The following TUB variants were observed in gnomAD, a reference collection of about 807,000 sequenced individuals.
TUB encodes TUB bipartite transcription factor, also known as tubby protein homolog.
In TUB, 33 loss-of-function variants were observed where a neutral mutation model predicts 59.7. The observed-to-expected ratio is 0.55, with a 90% CI of 0.42 to 0.74. The LOEUF is 0.74. Among genes scored for constraint, TUB ranks in the 30% least tolerant of loss-of-function variants. The pLI, the probability that TUB is intolerant of heterozygous loss-of-function variation, is 0.00. For missense variants in TUB, 659 were observed against 672.0 expected (o/e 0.98, Z 0.21); for synonymous variants, 293 against 256.4 (o/e 1.14, Z -1.36).
intron 3 of TUB, among the ~76,000 whole-genome samples, chr11:8,092,693 A>AG (rs1403689845): frequency 1.3e-5 from 2 of 152,098 alleles, no homozygotes; most frequent in Admixed American, 1.3e-4. Flanking sequence ...CTGCTTCTCT[A>AG]GGGGCCCAGT....
At chr11:8,047,572 G>A (rs1942855117) in intron 2 of TUB, among the ~76,000 whole-genome samples, 3 of 152,220 alleles carry the variant, frequency 2.0e-5, no homozygotes, top group Admixed American at 6.5e-5. Context: ...AGTCCCAATA[G>A]CAGAAGGGCT....
At chr11:8,081,910 C>T (rs1019707945) in intron 1 of TUB, among the ~76,000 whole-genome samples, 8 of 152,238 alleles carry the variant, frequency 5.3e-5, no homozygotes, top group Non-Finnish European at 8.8e-5. Flanking sequence ...CATACATCTG[C>T]ACGCATGCAC....
intron 2 of TUB, among the ~76,000 whole-genome samples, chr11:8,053,478 T>G (rs1020902085): frequency 1.3e-5 from 2 of 152,144 alleles, no homozygotes; most frequent in African/African-American, 4.8e-5. Context: ...TTGTCTGTTT[T>G]TATTTATTTA....
intron 2 of TUB, chr11:8,060,216 C>G (rs999177238): frequency 6.6e-6 from 1 of 152,336 alleles, no homozygotes; most frequent in African/African-American, 2.4e-5. Flanking sequence ...AAGAGGTCAC[C>G]TGCGGAGAAC....
rs1768045697 is a variant in TUB at position 8,103,767 on chromosome 11, ATG to A, written c.*2150_*2151del. 1 of 152,672 alleles carries A rather than the reference ATG, an allele frequency of 6.5e-6. No homozygotes were observed. The highest frequency in any genetic ancestry group is 2.1e-4 in the South Asian group (1 of 4,826). The allele number at this position is 152,672 out of a possible 1,614,324, so 9.5% of individuals were successfully genotyped here. On this transcript the variant is annotated 3_prime_UTR_variant, in exon 12 of 12. Transcript: ENST00000299506. The stretch of plus-strand genomic sequence containing the variant: ...GATGATGGAAACTAGATCGTCTCTA[ATG>A]TTAGGTCAAGCTATTTCTCTGGATC...
chr11:8,021,821 C>A (rs1942432394), intron 1 of TUB, among the ~76,000 whole-genome samples: 2 of 150,270 alleles, frequency 1.3e-5, no homozygotes, highest in Non-Finnish European at 2.9e-5. Flanking sequence ...GAGGCTGAGG[C>A]AGGAGAATGG....
At chr11:8,098,276 G>A (rs1015694955) in intron 8 of TUB, among the ~76,000 whole-genome samples, 9 of 152,270 alleles carry the variant, frequency 5.9e-5, no homozygotes, top group South Asian at 2.1e-4. Flanking sequence ...TGGGGAGGTA[G>A]GGTTTGCTGA....
intron 2 of TUB, among the ~76,000 whole-genome samples, chr11:8,061,256 TCCTGGCTTC>T (rs1429969286): frequency 6.6e-6 from 1 of 152,230 alleles, no homozygotes; most frequent in Non-Finnish European, 1.5e-5. Context: ...GTGGGTAGTG[TCCTGGCTTC>T]CCTTCAGCCC....
At chr11:8,070,139 A>T (rs1943333304) in intron 2 of TUB, among the ~76,000 whole-genome samples, 1 of 152,186 alleles carries the variant, frequency 6.6e-6, no homozygotes, top group Non-Finnish European at 1.5e-5. Flanking sequence ...AGGGAAGCAT[A>T]AAAAAATCTC....
chr11:8,051,246 G>A (rs1002505980), intron 2 of TUB, among the ~76,000 whole-genome samples: 8 of 152,120 alleles, frequency 5.3e-5, no homozygotes, highest in Non-Finnish European at 1.2e-4. Flanking sequence ...ATGTTTGTGT[G>A]TGCCTATATC....
At chr11:8,086,961 G>A (rs1357852682) in intron 1 of TUB, among the ~76,000 whole-genome samples, 1 of 152,166 alleles carries the variant, frequency 6.6e-6, no homozygotes, top group Non-Finnish European at 1.5e-5. Flanking sequence ...CGAAGCCTGT[G>A]GCTCTTTATC....
chr11:8,081,782 G>A (rs1336431500), intron 1 of TUB, among the ~76,000 whole-genome samples: 1 of 152,240 alleles, frequency 6.6e-6, no homozygotes, highest in Non-Finnish European at 1.5e-5. Flanking sequence ...GCCTGTGTGG[G>A]CCTTGTTGGG....
At chr11:8,025,032 A>G (rs1440912947) in intron 1 of TUB, among the ~76,000 whole-genome samples, 2 of 152,258 alleles carry the variant, frequency 1.3e-5, no homozygotes, top group South Asian at 2.1e-4. Flanking sequence ...CATTCACTCA[A>G]TATGCATTTA....
chr11:8,041,529 C>T (rs937620647), intron 2 of TUB, among the ~76,000 whole-genome samples: 4 of 152,162 alleles, frequency 2.6e-5, no homozygotes, highest in Non-Finnish European at 4.4e-5. Flanking sequence ...AATATCATCT[C>T]CATTTCATCC....
intron 1 of TUB, among the ~76,000 whole-genome samples, chr11:8,082,962 C>T (rs1943598496): frequency 6.6e-6 from 1 of 152,218 alleles, no homozygotes; most frequent in Non-Finnish European, 1.5e-5. Flanking sequence ...CATGTAGTCA[C>T]ACTTCAGTCT....
At chr11:8,100,656 G>A (rs1207475496) in intron 10 of TUB, 55 bp downstream of exon 10, 4 of 1,571,204 alleles carry the variant, frequency 2.5e-6, no homozygotes, top group Non-Finnish European at 3.5e-6. Context: ...CTCTGCATGA[G>A]CTTCTAAGGG....
upstream of TUB, among the ~76,000 whole-genome samples, chr11:8,080,474 A>G (rs1186944564): frequency 6.6e-6 from 1 of 152,188 alleles, no homozygotes; most frequent in Non-Finnish European, 1.5e-5. Flanking sequence ...GCCTCCGGTC[A>G]ACTGCGCCCC....
Position 8,101,729 on chromosome 11 carries a change from C to A in TUB, c.*110C>A. ...TATATAGGCCTTCCGCCAGATGAAG[C>A]TTTGGCCCTCAGTGGGCTCCCTGGC... On this transcript the variant is annotated 3_prime_UTR_variant, in exon 12 of 12. Coordinates refer to ENST00000299506, the MANE Select transcript of TUB (RefSeq NM_177972.3). 1 of 1,462,478 alleles carries A rather than the reference C, an allele frequency of 6.8e-7. No individual in the cohort carries two copies. Among genetic ancestry groups the A allele is most frequent in the South Asian group, 1.4e-5 (1 of 70,502 alleles). The allele number at this position is 1,462,478 out of a possible 1,614,324, so 90.6% of individuals were successfully genotyped here. A position where few individuals can be genotyped will look rare whatever the true frequency, so the allele number is the denominator to read the frequency against.
At chr11:8,039,841 A>AG (rs1589926814) in intron 2 of TUB, 1 of 544,650 alleles carries the variant, frequency 1.8e-6, no homozygotes, top group African/African-American at 1.9e-5. Flanking sequence ...GGTTTAGGGG[A>AG]GGGTGTGACC....
Sources: gnomAD v4.1 joint callset for allele counts (sites outside exome capture counted in the v4.1 genomes callset) on GRCh38, gnomAD v4.1.1 for gene constraint, MANE v1.5 for transcripts, NCBI Gene and HGNC (gene_info 2026-07-23, HGNC 2026-07-21) for gene names.